Variants in TENM4 observed in about 807,000 individuals in gnomAD.
TENM4 encodes teneurin-4.
A neutral mutation model predicts 243.3 loss-of-function variants in TENM4; 82 were observed. That is an observed-to-expected ratio of 0.34 (90% CI 0.28 to 0.40). The LOEUF (loss-of-function observed/expected upper bound fraction) is 0.40, where lower values mean the gene tolerates loss of function less well. TENM4 is among the 10% of genes least tolerant of loss of function. The pLI is 1.00. For missense variants in TENM4, 3,138 were observed against 3,673.3 expected, an observed-to-expected ratio of 0.85 and a Z score of 3.77; for synonymous variants, 1,412 against 1,456.3, an observed-to-expected ratio of 0.97 and a Z score of 0.69.
At chr11:79,218,749 G>A (rs565054496) in intron 2 of TENM4, among the ~76,000 whole-genome samples, 2 of 152,034 alleles carry the variant, frequency 1.3e-5, no homozygotes, top group South Asian at 4.1e-4. Context: ...TTTTCCCAGA[G>A]TACCTCCAGT....
chr11:78,700,377 T>C (rs1859074830), intron 28 of TENM4, among the ~76,000 whole-genome samples: 1 of 152,170 alleles, frequency 6.6e-6, no homozygotes, highest in Non-Finnish European at 1.5e-5. Flanking sequence ...GTCTGTAAAA[T>C]GGATAATATC....
intron 1 of TENM4, among the ~76,000 whole-genome samples, chr11:79,413,588 T>C (rs1858748113): frequency 6.6e-6 from 1 of 152,210 alleles, no homozygotes; most frequent in Admixed American, 6.5e-5. Flanking sequence ...TTGCAGATGA[T>C]TCTAGCTCAT....
At chr11:79,314,827 A>G (rs535102628) in intron 1 of TENM4, among the ~76,000 whole-genome samples, 6 of 152,198 alleles carry the variant, frequency 3.9e-5, no homozygotes, top group Non-Finnish European at 5.9e-5. Context: ...AGAAAACTTT[A>G]AAAAATATTG....
At chr11:79,105,879 C>A (rs186533505) in intron 4 of TENM4, among the ~76,000 whole-genome samples, 1 of 151,012 alleles carries the variant, frequency 6.6e-6, no homozygotes, top group Admixed American at 6.6e-5. Flanking sequence ...ATTAATGGTG[C>A]TAGGAGATGC....
At chr11:78,673,671 A>AT (rs1205164385) in intron 30 of TENM4, among the ~76,000 whole-genome samples, 6 of 152,214 alleles carry the variant, frequency 3.9e-5, no homozygotes, top group African/African-American at 1.4e-4. Flanking sequence ...AAACTTAGTA[A>AT]ATCAGTGGAG....
At chr11:78,782,067 T>C (rs1856847342) in intron 16 of TENM4, among the ~76,000 whole-genome samples, 1 of 152,190 alleles carries the variant, frequency 6.6e-6, no homozygotes, top group African/African-American at 2.4e-5. Context: ...GGGATAACCA[T>C]AGCGTTATCA....
chr11:78,820,832 T>C (rs936618422), intron 12 of TENM4, among the ~76,000 whole-genome samples: 4 of 152,216 alleles, frequency 2.6e-5, no homozygotes, highest in Admixed American at 6.5e-5. Flanking sequence ...CAAATTAAAC[T>C]TGTCTCCCAG....
intron 1 of TENM4, among the ~76,000 whole-genome samples, chr11:79,329,369 C>A (rs1857024920): frequency 6.6e-6 from 1 of 152,198 alleles, no homozygotes; most frequent in Non-Finnish European, 1.5e-5. Flanking sequence ...GACTTTCATT[C>A]ATTCATCAAA....
intron 15 of TENM4, among the ~76,000 whole-genome samples, chr11:78,803,454 A>G (rs964123136): frequency 3.7e-4 from 56 of 152,236 alleles, no homozygotes; most frequent in African/African-American, 1.4e-3. Context: ...CAGGGCCAAG[A>G]TTTGAAACCC....
At chr11:79,339,393 T>C (rs149745213) in intron 1 of TENM4, among the ~76,000 whole-genome samples, 1 of 152,228 alleles carries the variant, frequency 6.6e-6, no homozygotes, top group Admixed American at 6.5e-5. Context: ...AAGTGCTGTG[T>C]CTTTGAAAAG....
At chr11:79,292,684 T>C (rs1226701714) in intron 2 of TENM4, among the ~76,000 whole-genome samples, 1 of 152,214 alleles carries the variant, frequency 6.6e-6, no homozygotes, top group African/African-American at 2.4e-5. Flanking sequence ...GGGTGAGACA[T>C]TAAGCACCAA....
intron 6 of TENM4, among the ~76,000 whole-genome samples, chr11:78,930,837 C>G (rs1419689178): frequency 6.6e-6 from 1 of 152,170 alleles, no homozygotes; most frequent in African/African-American, 2.4e-5. Context: ...AAACCAGGCC[C>G]TGAGCGAAGA....
intron 30 of TENM4, among the ~76,000 whole-genome samples, 178 bp from the exon 31 acceptor site, chr11:78,672,507 G>C (rs139246105): frequency 4.3e-4 from 65 of 152,328 alleles, no homozygotes; most frequent in African/African-American, 1.5e-3. Flanking sequence ...GCTCTGTGAA[G>C]TTTCCTCACC....
At position 78,736,445 on chromosome 11, in the gene TENM4, A is replaced by AGTGTGTGT. The variant is rs3223449; in HGVS notation, c.2876+1998_2876+2005dup. On this transcript the variant is annotated intron_variant, in intron 20 of 33. Coordinates refer to ENST00000278550, the MANE Select transcript of TENM4 (RefSeq NM_001098816.3). ...AGGTGTGAAGTCTGGGATTTCAGCA[A>AGTGTGTGT]GTGTGTGTGTGTGTGTGTGTGTGTG... Among the ~76,000 whole-genome samples the AGTGTGTGT allele has an allele frequency of 3.8e-3, 551 of 145,250 alleles. 6 individuals are homozygous for AGTGTGTGT. Among genetic ancestry groups the AGTGTGTGT allele is most frequent in the African/African-American group, 0.011 (426 of 37,928 alleles).
At chr11:78,962,247 T>A (rs1434832345) in intron 6 of TENM4, 3 of 149,042 alleles carry the variant, frequency 2.0e-5, no homozygotes, top group Admixed American at 6.6e-5. Context: ...GGCCACACCG[T>A]TGCCTAGCAA....
intron 1 of TENM4, among the ~76,000 whole-genome samples, chr11:79,390,799 C>G (rs907270): frequency 0.019 from 2,829 of 152,324 alleles, 97 homozygotes; most frequent in African/African-American, 0.065. Flanking sequence ...CCCACATGTC[C>G]TCCACTGCTG....
At chr11:79,242,915 C>T (rs1333125038) in intron 2 of TENM4, among the ~76,000 whole-genome samples, 1 of 152,166 alleles carries the variant, frequency 6.6e-6, no homozygotes, top group Non-Finnish European at 1.5e-5. Context: ...TGAGGTATCC[C>T]TCCATGCAGG....
At chr11:79,279,628 G>T (rs550371789) in intron 2 of TENM4, among the ~76,000 whole-genome samples, 5 of 152,024 alleles carry the variant, frequency 3.3e-5, no homozygotes, top group South Asian at 2.1e-4. Context: ...CTATCCCACT[G>T]CCCCATAGCT....
chr11:79,341,680 C>G (rs1857244394), intron 1 of TENM4, among the ~76,000 whole-genome samples: 1 of 152,186 alleles, frequency 6.6e-6, no homozygotes, highest in South Asian at 2.1e-4. Flanking sequence ...ATTGGGGCCT[C>G]TCTGTGCTCT....
Sources: allele counts gnomAD v4.1 joint callset (sites outside exome capture counted in the v4.1 genomes callset), GRCh38; gene constraint gnomAD v4.1.1; transcripts MANE v1.5; gene names NCBI Gene and HGNC (gene_info 2026-07-23, HGNC 2026-07-21).